The following TANC1 variants were observed in gnomAD, a reference collection of about 807,000 sequenced individuals.
TANC1 encodes the protein tetratricopeptide repeat, ankyrin repeat and coiled-coil containing 1, also known as protein TANC1.
Under a neutral mutation model 149.7 loss-of-function variants are expected in TANC1, and 77 were observed. The observed-to-expected ratio is 0.51, with a 90% CI of 0.43 to 0.62. The LOEUF (loss-of-function observed/expected upper bound fraction) is 0.62. Among genes scored for constraint, TANC1 ranks in the 20% least tolerant of loss-of-function variants. The pLI is 0.00. For synonymous variants in TANC1, 854 were observed against 925.0 expected, an observed-to-expected ratio of 0.92 and a Z score of 1.39; for missense variants, 1,985 against 2,321.8, an observed-to-expected ratio of 0.85 and a Z score of 2.98.
intron 19 of TANC1, among the ~76,000 whole-genome samples, chr2:159,216,341 C>T (rs2059343244): frequency 6.6e-6 from 1 of 152,190 alleles, no homozygotes; most frequent in South Asian, 2.1e-4. Context: ...TATTTAGAAA[C>T]AGAGCCATCC....
At chr2:159,157,938 C>A (rs2053603912) in intron 7 of TANC1, among the ~76,000 whole-genome samples, 1 of 152,166 alleles carries the variant, frequency 6.6e-6, no homozygotes, top group Non-Finnish European at 1.5e-5. Flanking sequence ...AAGGACAAAT[C>A]ACTCTCTTCA....
chr2:159,037,814 C>T (rs1323868358), intron 2 of TANC1, among the ~76,000 whole-genome samples: 2 of 152,152 alleles, frequency 1.3e-5, no homozygotes, highest in East Asian at 1.9e-4. Flanking sequence ...GTTCTTTTTG[C>T]TTAGGATTGC....
At chr2:159,036,705 C>T (rs939244326) in intron 2 of TANC1, among the ~76,000 whole-genome samples, 5 of 152,204 alleles carry the variant, frequency 3.3e-5, no homozygotes, top group African/African-American at 9.7e-5. Flanking sequence ...TTTTTTATGG[C>T]TGCATAGTAT....
chr2:159,052,633 G>C (rs1160599814), intron 2 of TANC1, among the ~76,000 whole-genome samples: 1 of 152,162 alleles, frequency 6.6e-6, no homozygotes, highest in Non-Finnish European at 1.5e-5. Flanking sequence ...ACTAAGACAA[G>C]GGATCTGTGA....
intron 4 of TANC1, among the ~76,000 whole-genome samples, chr2:159,107,114 A>G (rs2047261604): frequency 6.6e-6 from 1 of 151,786 alleles, no homozygotes; most frequent in African/African-American, 2.4e-5. Context: ...TGCAGCTTCC[A>G]CCTCCTGGGT....
intron 8 of TANC1, among the ~76,000 whole-genome samples, chr2:159,165,709 C>T (rs1005926022): frequency 3.3e-5 from 5 of 152,200 alleles, no homozygotes; most frequent in Admixed American, 6.5e-5. Flanking sequence ...TGTGAAGGAC[C>T]GTATACAGAA....
At chr2:159,220,004 G>T (rs1290040745) in intron 22 of TANC1, 137 bp downstream of exon 22, 1 of 725,392 alleles carries the variant, frequency 1.4e-6, no homozygotes, top group Admixed American at 2.7e-5. Flanking sequence ...GTGTGTGTGT[G>T]TGTGTGTGTG....
rs1394774146 is a variant in TANC1, at chr2:159,038,780, G to A, written c.-15-27116G>A. On this transcript the variant is annotated intron_variant, in intron 2 of 26. Coordinates refer to ENST00000263635, the MANE Select transcript of TANC1 (RefSeq NM_033394.3). ...GTATTTCATTGAGGATTTTTGCATC[G>A]ATGTTCATCAGGGATATTGGTCTAA... 3.9e-5 allele frequency among the ~76,000 whole-genome samples: 6 copies of A among 152,052 alleles called. No individual in the cohort carries two copies. In the East Asian group the frequency reaches 9.6e-4, roughly 24 times the overall value.
At chr2:159,130,694 A>C (rs1277427951) in intron 4 of TANC1, among the ~76,000 whole-genome samples, 1 of 152,026 alleles carries the variant, frequency 6.6e-6, no homozygotes, top group Non-Finnish European at 1.5e-5. Flanking sequence ...TTTTCTTTCT[A>C]TAGGGCGTTT....
intron 7 of TANC1, among the ~76,000 whole-genome samples, chr2:159,154,563 C>T (rs1004252983): frequency 6.6e-6 from 1 of 152,168 alleles, no homozygotes; most frequent in Non-Finnish European, 1.5e-5. Context: ...ACCCCTCCTG[C>T]CCCTTGTTTC....
intron 7 of TANC1, among the ~76,000 whole-genome samples, chr2:159,162,974 A>T (rs2054194555): frequency 6.6e-6 from 1 of 152,204 alleles, no homozygotes; most frequent in Non-Finnish European, 1.5e-5. Context: ...TAAAAAGAGG[A>T]TACATTATCT....
chr2:159,175,951 AG>A (rs1222295710), intron 12 of TANC1, among the ~76,000 whole-genome samples: 1 of 152,092 alleles, frequency 6.6e-6, no homozygotes, highest in Admixed American at 6.5e-5. Context: ...GGGGGCAGCG[AG>A]GGGGTCAGTT....
chr2:158,988,032 A>C (rs1056525444), intron 1 of TANC1, among the ~76,000 whole-genome samples: 1 of 152,148 alleles, frequency 6.6e-6, no homozygotes, highest in African/African-American at 2.4e-5. Flanking sequence ...ATGGTTATCA[A>C]GAAAAAGTGG....
chr2:159,120,719 A>G (rs1313040094), intron 4 of TANC1, among the ~76,000 whole-genome samples: 2 of 152,052 alleles, frequency 1.3e-5, no homozygotes, highest in Non-Finnish European at 2.9e-5. Flanking sequence ...TGATCCTCCC[A>G]CCTCAGCCTC....
At chr2:159,186,382 G>C (rs1200040085) in intron 15 of TANC1, among the ~76,000 whole-genome samples, 1 of 152,142 alleles carries the variant, frequency 6.6e-6, no homozygotes, top group Non-Finnish European at 1.5e-5. Context: ...TGGGACTATA[G>C]GCACGCTCCA....
intron 14 of TANC1, among the ~76,000 whole-genome samples, chr2:159,183,801 G>A (rs544083215): frequency 1.3e-5 from 2 of 152,154 alleles, no homozygotes; most frequent in Admixed American, 1.3e-4. Flanking sequence ...GTAAGGAGGA[G>A]GGACCGGGGC....
chr2:159,113,925 T>C (rs527816056), intron 4 of TANC1, among the ~76,000 whole-genome samples: 212 of 152,308 alleles, frequency 1.4e-3, no homozygotes, highest in African/African-American at 4.9e-3. Flanking sequence ...TTATTCATCA[T>C]TGGGATCTGA....
At chr2:159,163,184 A>G in intron 7 of TANC1, 99 bp from the exon 8 acceptor site, 2 of 1,236,246 alleles carry the variant, frequency 1.6e-6, no homozygotes, top group Non-Finnish European at 2.2e-6. Context: ...TGGACTGGAA[A>G]ACTTTCCATT....
At chr2:159,097,916 A>C in intron 4 of TANC1, 82 bp downstream of exon 4, 12 of 1,164,674 alleles carry the variant, frequency 1.0e-5, no homozygotes, top group African/African-American at 1.5e-5. Flanking sequence ...CCCATGAGAA[A>C]TCTTCTGGGA....
Sources: gnomAD v4.1 joint callset for allele counts (sites outside exome capture counted in the v4.1 genomes callset) on GRCh38, gnomAD v4.1.1 for gene constraint, MANE v1.5 for transcripts, NCBI Gene and HGNC (gene_info 2026-07-23, HGNC 2026-07-21) for gene names.